Variants in YTHDC2 observed in about 807,000 individuals in gnomAD.
YTHDC2 encodes 3'-5' RNA helicase YTHDC2.
In YTHDC2, 45 loss-of-function variants were observed where a neutral mutation model predicts 174.9. The observed-to-expected ratio is 0.26, with a 90% CI of 0.20 to 0.33. The LOEUF is 0.33. Ranked by LOEUF, YTHDC2 falls within the 10% of genes least tolerant of loss-of-function variation. YTHDC2 has a pLI of 1.00. For missense variants in YTHDC2, 1,650 were observed against 1,723.7 expected (o/e 0.96, Z 0.76); for synonymous variants, 657 against 574.5 (o/e 1.14, Z -2.05).
chr5:113,566,000 T>G lies in YTHDC2; in HGVS notation c.2823T>G (p.Leu941=). The change falls in exon 21 of 30, where the codon CTT becomes CTG. Residue 941 remains leucine, a synonymous_variant. Transcript: ENST00000161863. ...TCATAGGCATGAGAACACAGTTGCT[T>G]GGTCAACTTAGAGCATCAGGTAAAG... is the stretch of plus-strand genomic sequence containing the variant. The part of the protein sequence containing the change: ...EIIIGMRTQL[L]GQLRASGFVR... The G allele has an allele frequency of 6.2e-7, 1 of 1,610,322 alleles. No individual in the cohort carries two copies. The highest frequency in any genetic ancestry group is 1.1e-5 in the South Asian group (1 of 90,196).
chr5:113,579,267 A>G (rs1325268265), intron 23 of YTHDC2, among the ~76,000 whole-genome samples: 1 of 152,130 alleles, frequency 6.6e-6, no homozygotes, highest in East Asian at 1.9e-4. Flanking sequence ...GATATGTAGT[A>G]TAGTCATTCC....
chr5:113,546,765 C>T (rs1358854383), intron 10 of YTHDC2, among the ~76,000 whole-genome samples: 2 of 152,176 alleles, frequency 1.3e-5, no homozygotes, highest in Non-Finnish European at 2.9e-5. Context: ...TTAAACTGTT[C>T]GTAGGGACTA....
chr5:113,520,032 C>T (rs1173464714), intron 2 of YTHDC2, among the ~76,000 whole-genome samples: 1 of 152,142 alleles, frequency 6.6e-6, no homozygotes, highest in African/African-American at 2.4e-5. Context: ...GATATTAGTC[C>T]TAATGCTCTT....
chr5:113,564,747 T>A (rs1777220504), intron 20 of YTHDC2, among the ~76,000 whole-genome samples: 1 of 152,238 alleles, frequency 6.6e-6, no homozygotes, highest in African/African-American at 2.4e-5. Context: ...AAGAATATGT[T>A]ATTTCTTGAA....
intron 6 of YTHDC2, 116 bp downstream of exon 6, chr5:113,534,523 G>T: frequency 2.5e-6 from 2 of 800,636 alleles, no homozygotes; most frequent in Non-Finnish European, 4.0e-6. Context: ...TTTGGAATAG[G>T]GTAGAAAAGA....
At chr5:113,535,034 T>A (rs1039876903) in intron 6 of YTHDC2, among the ~76,000 whole-genome samples, 3 of 152,232 alleles carry the variant, frequency 2.0e-5, no homozygotes, top group Non-Finnish European at 4.4e-5. Context: ...AGATTTTTTA[T>A]GTATTAAAAG....
intron 16 of YTHDC2, 101 bp from the exon 17 acceptor site, chr5:113,555,951 G>C: frequency 1.6e-6 from 1 of 629,828 alleles, no homozygotes; most frequent in Non-Finnish European, 2.7e-6. Context: ...AGAGGACTTT[G>C]AATTAAACTT....
rs143247833 is a variant in YTHDC2 at position 113,591,118 on chromosome 5, T to C, written c.3903T>C (p.Leu1301=). The change falls in exon 27 of 30, where the codon CTT becomes CTC. Residue 1301 remains leucine (L), a synonymous_variant. Coordinates refer to ENST00000161863, the MANE Select transcript of YTHDC2 (RefSeq NM_022828.5). ...FIMKSSNLRN[L]EISQQKGIWS... The stretch of plus-strand genomic sequence containing the variant: ...TGAAGAGTAGCAATTTGAGAAACCT[T>C]GAAATTTCTCAACAGAAGGGTATCT... The C allele has an allele frequency of 1.2e-6, 2 of 1,613,798 alleles. No homozygotes were observed. Among genetic ancestry groups the C allele is most frequent in the African/African-American group, 2.7e-5 (2 of 74,902 alleles).
At chr5:113,560,997 T>C in intron 17 of YTHDC2, 83 bp from the exon 18 acceptor site, 2 of 1,153,586 alleles carry the variant, frequency 1.7e-6, no homozygotes, top group Non-Finnish European at 2.4e-6. Context: ...ATCATTTTTC[T>C]CTTTCCTAAA....
chr5:113,518,641 TG>T (rs1773654448), intron 2 of YTHDC2, among the ~76,000 whole-genome samples: 1 of 151,744 alleles, frequency 6.6e-6, no homozygotes, highest in Non-Finnish European at 1.5e-5. Flanking sequence ...AGTACCTATT[TG>T]AGAGGCCACC....
At chr5:113,567,404 T>TTATATATATATATATA (rs368320106) in intron 22 of YTHDC2, 107 bp downstream of exon 22, 34 of 287,542 alleles carry the variant, frequency 1.2e-4, no homozygotes, top group Admixed American at 8.4e-4. Context: ...AATTAATTAG[T>TTATATATATATATATA]TATATATATA....
At chr5:113,549,931 A>G (rs1776135191) in intron 12 of YTHDC2, among the ~76,000 whole-genome samples, 2 of 148,618 alleles carry the variant, frequency 1.3e-5, no homozygotes, top group South Asian at 2.1e-4. Context: ...TAATTCTTGT[A>G]AATTAAAAAT....
At chr5:113,553,501 T>C (rs1776402006) in intron 13 of YTHDC2, 89 bp from the exon 14 acceptor site, 1 of 1,482,536 alleles carries the variant, frequency 6.7e-7, no homozygotes. Flanking sequence ...TACCAGTACT[T>C]GAAAACATGT....
chr5:113,586,867 C>A lies in YTHDC2; in HGVS notation c.3825+2388C>A, dbSNP rs952102513. Among the ~76,000 whole-genome samples the A allele has an allele frequency of 1.8e-3, 254 of 138,860 alleles. 4 individuals are homozygous for A. Among genetic ancestry groups the A allele is most frequent in the East Asian group, 0.012 (60 of 4,976 alleles). The allele number at this position is 138,860 out of a possible 152,430, so 91.1% of individuals were successfully genotyped here. ...GTTTCATTAATATCTCTCTCTCTCT[C>A]TCTCTCTATATATATATATAATATA... On this transcript the variant is annotated intron_variant, in intron 26 of 29. Coordinates refer to ENST00000161863, the MANE Select transcript of YTHDC2 (RefSeq NM_022828.5).
chr5:113,514,520 T>A (rs1446548766), intron 1 of YTHDC2, among the ~76,000 whole-genome samples: 1 of 152,232 alleles, frequency 6.6e-6, no homozygotes, highest in Non-Finnish European at 1.5e-5. Context: ...AGCATCACGC[T>A]ACCCACTTAA....
At chr5:113,524,395 T>G (rs571200943) in intron 2 of YTHDC2, among the ~76,000 whole-genome samples, 3 of 152,270 alleles carry the variant, frequency 2.0e-5, no homozygotes, top group Admixed American at 2.0e-4. Context: ...CATTACCTTA[T>G]AATTGAAGAG....
At chr5:113,562,289 T>C (rs1449686700) in intron 18 of YTHDC2, among the ~76,000 whole-genome samples, 1 of 147,542 alleles carries the variant, frequency 6.8e-6, no homozygotes, top group East Asian at 2.0e-4. Flanking sequence ...TGTGTGTGTG[T>C]GTTTTAAGTT....
intron 10 of YTHDC2, among the ~76,000 whole-genome samples, chr5:113,545,596 C>A (rs1448707162): frequency 3.9e-5 from 6 of 152,052 alleles, no homozygotes; most frequent in African/African-American, 1.4e-4. Context: ...TGTTGAAGAG[C>A]TGGCCAGGCT....
At chr5:113,523,449 T>C (rs1012298655) in intron 2 of YTHDC2, among the ~76,000 whole-genome samples, 1 of 152,138 alleles carries the variant, frequency 6.6e-6, no homozygotes, top group Non-Finnish European at 1.5e-5. Context: ...GAATGAATTA[T>C]TGAGTCTATA....
Sources: allele counts gnomAD v4.1 joint callset (sites outside exome capture counted in the v4.1 genomes callset), GRCh38; gene constraint gnomAD v4.1.1; transcripts MANE v1.5; gene names NCBI Gene and HGNC (gene_info 2026-07-23, HGNC 2026-07-21).